PRELID2: variants seen among roughly 807,000 people sequenced by gnomAD.
The protein encoded by PRELID2 is PRELI domain-containing protein 2.
A neutral mutation model predicts 28.4 loss-of-function variants in PRELID2; 25 were observed. The ratio of observed to expected loss-of-function variants is 0.88; its 90% CI spans 0.64 to 1.23. PRELID2 has a LOEUF of 1.23. Ranked by LOEUF, PRELID2 falls within the 50% of genes most tolerant of loss-of-function variation. PRELID2 has a pLI of 0.00. For missense variants in PRELID2, 201 were observed against 214.4 expected (o/e 0.94, Z 0.39); for synonymous variants, 76 against 71.6 (o/e 1.06, Z -0.31).
intron 1 of PRELID2, among the ~76,000 whole-genome samples, chr5:145,571,622 C>A (rs902214638): frequency 6.6e-6 from 1 of 152,154 alleles, no homozygotes; most frequent in Admixed American, 6.5e-5. Flanking sequence ...CCAGACTTTT[C>A]CTTGATCCAG....
chr5:145,526,415 A>G (rs1752605750), intron 1 of PRELID2, among the ~76,000 whole-genome samples: 1 of 152,138 alleles, frequency 6.6e-6, no homozygotes, highest in South Asian at 2.1e-4. Context: ...TCTGGAATGT[A>G]TACACAATGG....
chr5:145,803,499 T>C (rs559307576), intron 4 of PRELID2, among the ~76,000 whole-genome samples: 1 of 152,106 alleles, frequency 6.6e-6, no homozygotes, highest in African/African-American at 2.4e-5. Context: ...CACATCTTGT[T>C]TTAGCTTGCC....
At chr5:145,269,269 A>G in the PRELID2 span, among the ~76,000 whole-genome samples, 1 of 152,158 alleles carries the variant, frequency 6.6e-6, no homozygotes, top group Non-Finnish European at 1.5e-5. Flanking sequence ...TACAATTAGT[A>G]TGTTCATGCA....
chr5:145,289,351 A>G, the PRELID2 span, among the ~76,000 whole-genome samples: 41 of 152,178 alleles, frequency 2.7e-4, no homozygotes, highest in Non-Finnish European at 5.4e-4. Flanking sequence ...TGAATAATAC[A>G]GTAGGTAGCC....
intron 4 of PRELID2, among the ~76,000 whole-genome samples, chr5:145,817,198 A>AAAAAT (rs1365517052): frequency 2.9e-5 from 2 of 70,094 alleles, no homozygotes; most frequent in Admixed American, 1.8e-4. Flanking sequence ...TTCAAAAAAA[A>AAAAAT]ATAAATAAAT....
chr5:145,301,060 A>G, the PRELID2 span, among the ~76,000 whole-genome samples: 1 of 152,094 alleles, frequency 6.6e-6, no homozygotes, highest in Non-Finnish European at 1.5e-5. Flanking sequence ...GCCTAACAAT[A>G]TATCCAAAAG....
chr5:145,708,531 T>C (rs960981785), intron 1 of PRELID2, among the ~76,000 whole-genome samples: 6 of 152,222 alleles, frequency 3.9e-5, no homozygotes, highest in Admixed American at 1.3e-4. Flanking sequence ...TTTATTCTAA[T>C]TTCTTTACAA....
At chr5:145,315,347 C>T in the PRELID2 span, among the ~76,000 whole-genome samples, 1 of 152,054 alleles carries the variant, frequency 6.6e-6, no homozygotes, top group Non-Finnish European at 1.5e-5. Flanking sequence ...GGATTACAGG[C>T]GTGAGCCACC....
At chr5:145,564,230 C>T (rs1752946952) in intron 1 of PRELID2, among the ~76,000 whole-genome samples, 1 of 152,340 alleles carries the variant, frequency 6.6e-6, no homozygotes, top group Non-Finnish European at 1.5e-5. Context: ...CATCAAGGAT[C>T]AGCAAACATC....
chr5:145,488,062 T>A (rs1359569108), intron 1 of PRELID2, among the ~76,000 whole-genome samples: 1 of 137,480 alleles, frequency 7.3e-6, no homozygotes, highest in Non-Finnish European at 1.5e-5. Context: ...AGGGAGAGGT[T>A]GCAGTGAGCC....
At chr5:145,384,093 G>A in the PRELID2 span, among the ~76,000 whole-genome samples, 1 of 152,126 alleles carries the variant, frequency 6.6e-6, no homozygotes, top group African/African-American at 2.4e-5. Flanking sequence ...GTAAGTGAAA[G>A]TGAGAACCAC....
At chr5:145,673,066 G>A in intron 1 of PRELID2, among the ~76,000 whole-genome samples, 1 of 152,120 alleles carries the variant, frequency 6.6e-6, no homozygotes, top group Middle Eastern at 3.2e-3. Flanking sequence ...CTCACAGAAG[G>A]TCAGAAGCAA....
intron 1 of PRELID2, among the ~76,000 whole-genome samples, chr5:145,739,721 G>A (rs1756597699): frequency 6.6e-6 from 1 of 151,936 alleles, no homozygotes; most frequent in African/African-American, 2.4e-5. Flanking sequence ...AATGCAAAGG[G>A]AGGTAAGGTT....
chr5:145,714,219 A>C (rs1355324927), intron 1 of PRELID2, among the ~76,000 whole-genome samples: 1 of 152,172 alleles, frequency 6.6e-6, no homozygotes, highest in East Asian at 1.9e-4. Context: ...GCACAACACC[A>C]ACCACTTTTA....
chr5:145,716,632 C>T (rs1424536425), intron 1 of PRELID2, among the ~76,000 whole-genome samples: 2 of 152,268 alleles, frequency 1.3e-5, no homozygotes, highest in South Asian at 2.1e-4. Flanking sequence ...CATAAGAAGA[C>T]ATAGTTTTCA....
At chr5:145,825,921 G>T (rs1032736498) in intron 1 of PRELID2, 3 of 631,832 alleles carry the variant, frequency 4.7e-6, no homozygotes, top group African/African-American at 2.0e-5. Flanking sequence ...TTTAATTCAT[G>T]AAAATTTACC....
intron 1 of PRELID2, among the ~76,000 whole-genome samples, chr5:145,595,228 G>T (rs1271337542): frequency 7.2e-6 from 1 of 138,906 alleles, no homozygotes; most frequent in East Asian, 2.3e-4. Context: ...TCAATAAATG[G>T]CACACCACAT....
chr5:145,662,082 T>C (rs974742237), intron 1 of PRELID2, among the ~76,000 whole-genome samples: 1 of 152,048 alleles, frequency 6.6e-6, no homozygotes, highest in African/African-American at 2.4e-5. Flanking sequence ...CGGGGTCCAA[T>C]GCAGGCACTT....
the PRELID2 span, among the ~76,000 whole-genome samples, chr5:145,310,334 A>G: frequency 1.3e-5 from 2 of 152,186 alleles, no homozygotes; most frequent in Non-Finnish European, 2.9e-5. Context: ...TTTCCTTACA[A>G]TATCAGACTT....
Sources: gnomAD v4.1 joint callset for allele counts (sites outside exome capture counted in the v4.1 genomes callset) on GRCh38, gnomAD v4.1.1 for gene constraint, MANE v1.5 for transcripts, NCBI Gene and HGNC (gene_info 2026-07-23, HGNC 2026-07-21) for gene names.